Variants in SERGEF observed in about 807,000 individuals in gnomAD.
SERGEF encodes secretion regulating guanine nucleotide exchange factor.
SERGEF carries 51 observed loss-of-function variants against 50.0 expected under a neutral mutation model. That is an observed-to-expected ratio of 1.02 (90% CI 0.81 to 1.29). The LOEUF (loss-of-function observed/expected upper bound fraction) is 1.29. SERGEF is among the 50% of genes most tolerant of loss of function. The probability of loss-of-function intolerance (pLI) is 0.00; values close to 1 mark genes in which losing one functional copy is unlikely to be tolerated. For synonymous variants in SERGEF, 205 were observed against 212.4 expected (o/e 0.97, Z 0.30); for missense variants, 521 against 557.0 (o/e 0.94, Z 0.65).
At chr11:18,011,701 G>A (rs1854200012) in intron 1 of SERGEF, among the ~76,000 whole-genome samples, 1 of 152,090 alleles carries the variant, frequency 6.6e-6, no homozygotes, top group Non-Finnish European at 1.5e-5. Flanking sequence ...TTAATATTCG[G>A]CTTTGTCTGT....
At chr11:17,788,503 C>T in intron 10 of SERGEF, 90 bp from the exon 11 acceptor site, 1 of 1,111,202 alleles carries the variant, frequency 9.0e-7, no homozygotes. Context: ...CATCATAAAC[C>T]CCAGTTCACT....
chr11:17,871,482 G>T (rs1484192133), intron 10 of SERGEF, among the ~76,000 whole-genome samples: 1 of 140,286 alleles, frequency 7.1e-6, no homozygotes, highest in African/African-American at 2.6e-5. Flanking sequence ...AAAAAAAAAA[G>T]AGTAAGCCAC....
intron 9 of SERGEF, among the ~76,000 whole-genome samples, chr11:17,932,429 G>A (rs1852372608): frequency 6.6e-6 from 1 of 152,164 alleles, no homozygotes; most frequent in Non-Finnish European, 1.5e-5. Context: ...AAGTAAGAAG[G>A]AAAGGAGCAA....
intron 10 of SERGEF, among the ~76,000 whole-genome samples, chr11:17,810,778 T>C (rs532433142): frequency 6.0e-5 from 9 of 149,038 alleles, no homozygotes; most frequent in African/African-American, 2.2e-4. Context: ...AGGTAACAGG[T>C]CCTGAGGAAA....
chr11:17,952,480 T>C (rs1852790235), intron 9 of SERGEF, among the ~76,000 whole-genome samples: 1 of 152,072 alleles, frequency 6.6e-6, no homozygotes, highest in South Asian at 2.1e-4. Context: ...CTCAATCCTC[T>C]CTCTCATCTT....
chr11:17,994,333 A>G (rs1037022180), intron 6 of SERGEF, among the ~76,000 whole-genome samples: 2 of 151,898 alleles, frequency 1.3e-5, no homozygotes, highest in Non-Finnish European at 1.5e-5. Context: ...AAAATTAGCC[A>G]GGCGTGGTGG....
At chr11:17,916,720 C>T (rs1852055439) in intron 9 of SERGEF, among the ~76,000 whole-genome samples, 1 of 152,212 alleles carries the variant, frequency 6.6e-6, no homozygotes, top group South Asian at 2.1e-4. Flanking sequence ...ATTAATAAGA[C>T]ATTCCAAGCC....
At chr11:17,843,638 T>C (rs1850547996) in intron 10 of SERGEF, among the ~76,000 whole-genome samples, 2 of 152,180 alleles carry the variant, frequency 1.3e-5, no homozygotes, top group Non-Finnish European at 2.9e-5. Context: ...TGGATGTGTA[T>C]AGGTGGTATA....
chr11:17,790,436 A>T (rs1373064829), intron 10 of SERGEF, among the ~76,000 whole-genome samples: 1 of 152,024 alleles, frequency 6.6e-6, no homozygotes, highest in Non-Finnish European at 1.5e-5. Flanking sequence ...TTTTAATTTT[A>T]ACTGTGCATA....
chr11:17,884,637 C>A lies in SERGEF; in HGVS notation c.1012-6393G>T, dbSNP rs1038106297. 1.3e-5 allele frequency among the ~76,000 whole-genome samples: 2 copies of A among 152,190 alleles called. No individual in the cohort carries two copies. The highest frequency in any genetic ancestry group is 2.4e-5 in the African/African-American group (1 of 41,456). On this transcript the variant is annotated intron_variant, in intron 9 of 10. Coordinates refer to ENST00000265965, the MANE Select transcript of SERGEF (RefSeq NM_012139.4). The surrounding 1 kb of genome is among the most constrained non-coding windows in gnomAD (Gnocchi z 4.6). Reference sequence around the variant, plus strand: ...TGGCGACACCAGAGAGGCAGCACGGCTGTTTGCTTCTGGAAGAACCTAGCC... The same window carrying A: ...TGGCGACACCAGAGAGGCAGCACGGATGTTTGCTTCTGGAAGAACCTAGCC...
chr11:17,928,006 A>G (rs1852282442), intron 9 of SERGEF, among the ~76,000 whole-genome samples: 1 of 152,258 alleles, frequency 6.6e-6, no homozygotes, highest in Admixed American at 6.5e-5. Context: ...CTCAGCTGCA[A>G]TCCATAAAAT....
At chr11:18,004,605 C>T in intron 3 of SERGEF, 70 bp from the exon 4 acceptor site, 4 of 1,084,404 alleles carry the variant, frequency 3.7e-6, no homozygotes, top group Non-Finnish European at 5.5e-6. Flanking sequence ...GTAAATGCTG[C>T]AGGGTGAGAG....
chr11:17,807,334 C>G (rs1041496700), intron 10 of SERGEF, among the ~76,000 whole-genome samples: 6 of 70,066 alleles, frequency 8.6e-5, no homozygotes, highest in East Asian at 1.3e-3. Context: ...GAACTCCCCC[C>G]CCACAAAAAA....
chr11:17,977,425 TA>T (rs1386733612), intron 8 of SERGEF, among the ~76,000 whole-genome samples: 2 of 152,018 alleles, frequency 1.3e-5, no homozygotes, highest in Non-Finnish European at 2.9e-5. Context: ...GAAAGGTATT[TA>T]ACCATTTCTC....
chr11:17,940,430 A>G lies in SERGEF; in HGVS notation c.1011+19040T>C, dbSNP rs553685374. Among the ~76,000 whole-genome samples the G allele has an allele frequency of 3.3e-5, 5 of 152,308 alleles. No homozygotes were observed. The East Asian group carries it at 9.7e-4, about 29-fold the overall frequency. ...ACCACCGCCCACCCAACTGTAAAAC[A>G]GAGACAATAACATGTACATAACTTA... On this transcript the variant is annotated intron_variant, in intron 9 of 10. Coordinates refer to ENST00000265965, the MANE Select transcript of SERGEF (RefSeq NM_012139.4).
intron 3 of SERGEF, 131 bp from the exon 4 acceptor site, chr11:18,004,666 T>C (rs1854035693): frequency 7.7e-6 from 5 of 651,820 alleles, no homozygotes; most frequent in Non-Finnish European, 1.4e-5. Flanking sequence ...CCATATTCCC[T>C]GCTTTTATTC....
intron 10 of SERGEF, among the ~76,000 whole-genome samples, chr11:17,865,025 T>C (rs1850995356): frequency 6.6e-6 from 1 of 152,298 alleles, no homozygotes; most frequent in Middle Eastern, 3.4e-3. Flanking sequence ...AAGATTTAGA[T>C]GCCAAAAATA....
Position 18,012,876 on chromosome 11 carries a change from C to T in SERGEF, c.60+75G>A, listed in dbSNP as rs1220443456. 2.6e-6 allele frequency: 4 copies of T among 1,528,694 alleles called. No homozygotes were observed. In the African/African-American group the frequency reaches 5.5e-5, roughly 21 times the overall value. The allele number at this position is 1,528,694 out of a possible 1,614,324, so 94.7% of individuals were successfully genotyped here. On this transcript the variant is annotated intron_variant, in intron 1 of 10. Transcript: ENST00000265965. ...CTCAGCCGCCCAGCCCCTGAACTGCCCACGCCGCGGCCAGCAGCTCCCACA... is the reference window on the plus strand; with the variant it reads ...CTCAGCCGCCCAGCCCCTGAACTGCTCACGCCGCGGCCAGCAGCTCCCACA...
At chr11:17,971,292 G>A (rs1481350797) in intron 8 of SERGEF, among the ~76,000 whole-genome samples, 1 of 152,194 alleles carries the variant, frequency 6.6e-6, no homozygotes, top group Non-Finnish European at 1.5e-5. Flanking sequence ...TTATCCAGAA[G>A]ATCTAGCTAA....
Sources: gnomAD v4.1 joint callset for allele counts (sites outside exome capture counted in the v4.1 genomes callset) on GRCh38, gnomAD v4.1.1 for gene constraint, Gnocchi (gnomAD v3.1) non-coding constraint, MANE v1.5 for transcripts, NCBI Gene and HGNC (gene_info 2026-07-23, HGNC 2026-07-21) for gene names.